Variants in CEP70 observed in about 807,000 individuals in gnomAD.
CEP70 encodes centrosomal protein 70.
A neutral mutation model predicts 90.9 loss-of-function variants in CEP70; 70 were observed. The observed-to-expected ratio is 0.77, with a 90% confidence interval of 0.64 to 0.94. CEP70 has a LOEUF of 0.94. Among genes scored for constraint, CEP70 ranks in the 40% least tolerant of loss-of-function variants. The probability of loss-of-function intolerance (pLI) is 0.00; values close to 1 mark genes in which losing one functional copy is unlikely to be tolerated. For missense variants in CEP70, 648 were observed against 669.0 expected (o/e 0.97, Z 0.35); for synonymous variants, 220 against 228.3 (o/e 0.96, Z 0.33).
chr3:138,522,967 A>G (rs1651690298), intron 11 of CEP70, among the ~76,000 whole-genome samples: 1 of 152,194 alleles, frequency 6.6e-6, no homozygotes, highest in Non-Finnish European at 1.5e-5. Flanking sequence ...TCGATGCAAA[A>G]ATCCTCAATA....
At position 138,527,195 on chromosome 3, in the gene CEP70, A is replaced by G. The variant is rs146687393; in HGVS notation, c.870-1631T>C. Among the ~76,000 whole-genome samples the G allele has an allele frequency of 4.7e-3, 721 of 152,072 alleles. 4 individuals carry two copies. The highest frequency in any genetic ancestry group is 0.017 in the African/African-American group (694 of 41,498). On this transcript the variant is annotated intron_variant, in intron 10 of 17. Coordinates refer to ENST00000264982, the MANE Select transcript of CEP70 (RefSeq NM_024491.4). ...TGTTTTGTTTTGTTTTAAGAGACAG[A>G]GTCTCTGTTGCCCAGGTTGGAGTGT...
intron 17 of CEP70, chr3:138,497,777 G>A: frequency 3.0e-6 from 3 of 985,066 alleles, no homozygotes; most frequent in Non-Finnish European, 2.4e-6. Flanking sequence ...ACTAGGCATG[G>A]ACAGAATGAT....
At position 138,558,910 on chromosome 3, in the gene CEP70, C is replaced by T. The variant is rs527834797; in HGVS notation, c.465+11408G>A. On this transcript the variant is annotated intron_variant, in intron 6 of 17. Transcript: ENST00000264982. ...CCAGAGAGTCAAATTATCAGACATGCTGACTTCTAAAAATTGAGGTGAAGT... is the reference window on the plus strand; with the variant it reads ...CCAGAGAGTCAAATTATCAGACATGTTGACTTCTAAAAATTGAGGTGAAGT... Among the ~76,000 whole-genome samples, 3 of 152,238 alleles carry T rather than the reference C, an allele frequency of 2.0e-5. No homozygotes were observed. The South Asian group carries it at 6.3e-4, about 32-fold the overall frequency.
rs761748722 is a variant in CEP70 at position 138,570,433 on chromosome 3, T to C, written c.350A>G (p.Gln117Arg). The change falls in exon 6 of 18, where the codon CAA (glutamine) becomes CGA (arginine). Residue 117 changes from glutamine (Q) to arginine (R), a missense_variant. Transcript: ENST00000264982. ...NQEQRANDLE[Q>R]IMESVKSKIG... ...TTTGGATTTCACACTTTCCATAATT[T>C]GTTCCAAGTCATTAGCTCGTTGTTC... The C allele has an allele frequency of 1.2e-6, 2 of 1,610,916 alleles. No homozygotes were observed. Among genetic ancestry groups the C allele is most frequent in the Non-Finnish European group, 1.7e-6 (2 of 1,179,062 alleles).
chr3:138,544,535 GTA>G (rs776686423), intron 6 of CEP70, among the ~76,000 whole-genome samples: 2 of 150,586 alleles, frequency 1.3e-5, no homozygotes, highest in African/African-American at 2.5e-5. Context: ...ATGTATGTAT[GTA>G]TGTGTGTGTG....
intron 2 of CEP70, among the ~76,000 whole-genome samples, chr3:138,591,365 A>ATT (rs34136846): frequency 3.3e-5 from 5 of 150,138 alleles, no homozygotes; most frequent in East Asian, 2.0e-4. Context: ...AAATATTCCA[A>ATT]TTTTTTTTTT....
chr3:138,541,441 A>C (rs930468184), intron 6 of CEP70, among the ~76,000 whole-genome samples: 25 of 150,850 alleles, frequency 1.7e-4, no homozygotes, highest in African/African-American at 5.9e-4. Context: ...AAAAAAAAAA[A>C]CCTGTCAACC....
intron 11 of CEP70, among the ~76,000 whole-genome samples, chr3:138,520,471 A>G (rs887972244): frequency 2.6e-5 from 4 of 152,180 alleles, no homozygotes; most frequent in Non-Finnish European, 5.9e-5. Flanking sequence ...AATAGAAATT[A>G]TAACAAACTG....
rs143634638 is a variant in CEP70, at chr3:138,546,828, G to T, written c.466-9481C>A. Among the ~76,000 whole-genome samples the T allele has an allele frequency of 2.9e-3, 439 of 152,096 alleles. 4 individuals are homozygous for T. Among genetic ancestry groups the T allele is most frequent in the African/African-American group, 0.01 (423 of 41,472 alleles). ...ACTATTCATAAATGAAAAAGACTCA[G>T]TGAAAACCCTTTTCCCTACCTGGCC... On this transcript the variant is annotated intron_variant, in intron 6 of 17. Coordinates refer to ENST00000264982, the MANE Select transcript of CEP70 (RefSeq NM_024491.4).
At chr3:138,566,321 A>G (rs1190307621) in intron 6 of CEP70, among the ~76,000 whole-genome samples, 1 of 152,220 alleles carries the variant, frequency 6.6e-6, no homozygotes, top group African/African-American at 2.4e-5. Context: ...CAGCACTCCC[A>G]TTACTGGGTA....
chr3:138,500,043 A>T (rs1257915799), intron 16 of CEP70, 67 bp downstream of exon 16: 1 of 1,040,518 alleles, frequency 9.6e-7, no homozygotes, highest in Non-Finnish European at 1.5e-6. Flanking sequence ...AGTAGCTGGG[A>T]CTACAGGCGT....
At chr3:138,520,994 G>C (rs2036564384) in intron 11 of CEP70, among the ~76,000 whole-genome samples, 1 of 152,158 alleles carries the variant, frequency 6.6e-6, no homozygotes, top group African/African-American at 2.4e-5. Context: ...TTTTTTGGTG[G>C]AGACGGGGTT....
At chr3:138,510,059 T>C (rs1443789420) in intron 11 of CEP70, among the ~76,000 whole-genome samples, 1 of 152,078 alleles carries the variant, frequency 6.6e-6, no homozygotes, top group Non-Finnish European at 1.5e-5. Context: ...AGATATACAG[T>C]GAGAACGAAT....
chr3:138,573,869 C>G (rs535198715), intron 2 of CEP70, among the ~76,000 whole-genome samples: 1 of 152,108 alleles, frequency 6.6e-6, no homozygotes, highest in Non-Finnish European at 1.5e-5. Flanking sequence ...TTGAGAATTT[C>G]TAGGACATCC....
At chr3:138,503,147 T>C (rs1276721811) in intron 13 of CEP70, among the ~76,000 whole-genome samples, 1 of 152,208 alleles carries the variant, frequency 6.6e-6, no homozygotes, top group Non-Finnish European at 1.5e-5. Flanking sequence ...TTTCATCTTG[T>C]AACACTGAAA....
At chr3:138,561,827 A>G (rs1032738753) in intron 6 of CEP70, among the ~76,000 whole-genome samples, 3 of 152,008 alleles carry the variant, frequency 2.0e-5, no homozygotes, top group East Asian at 3.9e-4. Flanking sequence ...AGATCAAGAA[A>G]TCCTGGCTAA....
Position 138,528,396 on chromosome 3 carries a change from T to C in CEP70, c.869+803A>G, listed in dbSNP as rs2037494067. On this transcript the variant is annotated intron_variant, in intron 10 of 17. Transcript: ENST00000264982. ...TTCTTCACTGTGGACTCCTATTTTC[T>C]CATTTCCCTTGCCTACCCATGTGCT... 2.0e-5 allele frequency among the ~76,000 whole-genome samples: 3 copies of C among 152,326 alleles called. No individual in the cohort carries two copies. In the South Asian group the frequency reaches 6.2e-4, roughly 32 times the overall value.
chr3:138,525,998 C>G (rs2037191471), intron 10 of CEP70, among the ~76,000 whole-genome samples: 1 of 152,132 alleles, frequency 6.6e-6, no homozygotes, highest in East Asian at 1.9e-4. Context: ...CCACTATCCT[C>G]AATTCATTGT....
intron 16 of CEP70, 84 bp from the exon 17 acceptor site, chr3:138,498,194 A>T: frequency 1.1e-6 from 1 of 881,618 alleles, no homozygotes; most frequent in Non-Finnish European, 1.8e-6. Flanking sequence ...TTCAAAATAG[A>T]AACTATATTG....
Sources: gnomAD v4.1 joint callset for allele counts (sites outside exome capture counted in the v4.1 genomes callset) on GRCh38, gnomAD v4.1.1 for gene constraint, MANE v1.5 for transcripts, NCBI Gene and HGNC (gene_info 2026-07-23, HGNC 2026-07-21) for gene names.